The following IK variants were observed in gnomAD, a reference collection of about 807,000 sequenced individuals.
IK encodes IK cytokine, also known as protein Red.
A neutral mutation model predicts 90.9 loss-of-function variants in IK; 47 were observed. That is an observed-to-expected ratio of 0.52 (90% CI 0.41 to 0.66). The LOEUF is 0.66. Ranked by LOEUF, IK falls within the 30% of genes least tolerant of loss-of-function variation. The pLI is 0.00. For missense variants in IK, 385 were observed against 709.3 expected (o/e 0.54, Z 5.19); for synonymous variants, 201 against 227.5 (o/e 0.88, Z 1.05).
At chr5:140,651,234 C>G (rs1458549176) in intron 2 of IK, among the ~76,000 whole-genome samples, 1 of 146,544 alleles carries the variant, frequency 6.8e-6, no homozygotes, top group East Asian at 2.1e-4. Context: ...GGCAGATCAC[C>G]TGAGGTCAGA....
At chr5:140,656,085 C>T in intron 9 of IK, 93 bp downstream of exon 9, 3 of 1,216,088 alleles carry the variant, frequency 2.5e-6, no homozygotes, top group Non-Finnish European at 3.4e-6. Context: ...CACCATGTCA[C>T]CAAGTGCTGT....
intron 5 of IK, 87 bp downstream of exon 5, chr5:140,653,231 C>A: frequency 8.3e-7 from 1 of 1,205,478 alleles, no homozygotes; most frequent in Non-Finnish European, 1.2e-6. Flanking sequence ...ACTTTCCTGC[C>A]CTGGAGCCTA....
At chr5:140,652,553 T>C (rs1757631285) in intron 4 of IK, among the ~76,000 whole-genome samples, 2 of 152,226 alleles carry the variant, frequency 1.3e-5, no homozygotes, top group Non-Finnish European at 2.9e-5. Context: ...GTTATTTATA[T>C]GATACGAAAG....
chr5:140,661,874 AT>A lies in IK; in HGVS notation c.1503-23del. 6.3e-7 allele frequency: 1 copy of A among 1,581,416 alleles called. No individual in the cohort carries two copies. The highest frequency in any genetic ancestry group is 8.6e-7 in the Non-Finnish European group (1 of 1,160,616). On this transcript the variant is annotated intron_variant, in intron 17 of 19. Transcript: ENST00000417647. The surrounding 1 kb of genome is among the most constrained non-coding windows in gnomAD (Gnocchi z 4.2). ...GCCACTGCTATGCAATCTCTGATGC[AT>A]TCTTTCCCAACTGCTTTTTTCAGGG...
chr5:140,660,096 T>C lies in IK; in HGVS notation c.1275-19T>C. ...CAATAGGTAGAATCCTGTGTAGTGTTTTCTTTAACATAGCATATGCTGAAG... is the reference window on the plus strand; with the variant it reads ...CAATAGGTAGAATCCTGTGTAGTGTCTTCTTTAACATAGCATATGCTGAAG... On this transcript the variant is annotated intron_variant, in intron 14 of 19. Transcript: ENST00000417647. 1 of 1,607,760 alleles carries C rather than the reference T, an allele frequency of 6.2e-7. No individual in the cohort carries two copies. The highest frequency in any genetic ancestry group is 8.5e-7 in the Non-Finnish European group (1 of 1,174,506).
At chr5:140,650,512 A>G (rs1757597741) in intron 2 of IK, among the ~76,000 whole-genome samples, 1 of 152,174 alleles carries the variant, frequency 6.6e-6, no homozygotes, top group South Asian at 2.1e-4. Context: ...TCTTTGGGAA[A>G]CACCATCATA....
rs561839762 is a variant in IK at position 140,656,063 on chromosome 5, G to C, written c.801+71G>C. The C allele has an allele frequency of 1.3e-5, 18 of 1,426,140 alleles. No individual in the cohort carries two copies. In the South Asian group the frequency reaches 1.4e-4, roughly 11 times the overall value. 88.3% of individuals were successfully genotyped at this position (1,426,140 alleles called of 1,614,324 possible). A position where few individuals can be genotyped will look rare whatever the true frequency, so the allele number is the denominator to read the frequency against. On this transcript the variant is annotated intron_variant, in intron 9 of 19. Transcript: ENST00000417647. Reference sequence around the variant, plus strand: ...TGGGAATCAGCCTGGCCTCTGCCCCGTGTCCCTTGTCCACCATGTCACCAA... The same window carrying C: ...TGGGAATCAGCCTGGCCTCTGCCCCCTGTCCCTTGTCCACCATGTCACCAA...
chr5:140,649,193 T>C (rs1322019670), intron 2 of IK, among the ~76,000 whole-genome samples: 1 of 147,166 alleles, frequency 6.8e-6, no homozygotes, highest in Non-Finnish European at 1.5e-5. Flanking sequence ...TTTTTTTTTT[T>C]CTTTTCTTTT....
chr5:140,652,153 G>A lies in IK; in HGVS notation c.236+6G>A. 2 of 1,610,494 alleles carry A rather than the reference G, an allele frequency of 1.2e-6. No individual in the cohort carries two copies. Among genetic ancestry groups the A allele is most frequent in the Non-Finnish European group, 1.7e-6 (2 of 1,176,710 alleles). ...CGAAGGAGGAAAAAGAAAAGGTGAA[G>A]GAAGGGTGAAGGGTTTTAGATTTTA... On this transcript the variant is annotated splice_donor_region_variant and intron_variant, in intron 4 of 19. Coordinates refer to ENST00000417647, the MANE Select transcript of IK (RefSeq NM_006083.4).
chr5:140,656,097 C>T (rs560332247), intron 9 of IK, 105 bp downstream of exon 9: 1 of 1,006,906 alleles, frequency 9.9e-7, no homozygotes. Context: ...AAGTGCTGTT[C>T]ACTTTTACCT....
Position 140,656,431 on chromosome 5 carries a change from C to T in IK, c.801+439C>T, listed in dbSNP as rs533964516. On this transcript the variant is annotated intron_variant, in intron 9 of 19. Coordinates refer to ENST00000417647, the MANE Select transcript of IK (RefSeq NM_006083.4). ...TATTCCTGACCTCAAGTGATCCATC[C>T]GCCTTGGCCTCCCAAAGTACTGGGA... Among the ~76,000 whole-genome samples, 15 of 152,260 alleles carry T rather than the reference C, an allele frequency of 9.9e-5. No homozygotes were observed. In the South Asian group the frequency reaches 2.7e-3, roughly 27 times the overall value.
chr5:140,655,308 A>G (rs1757691495), intron 8 of IK, among the ~76,000 whole-genome samples: 2 of 152,204 alleles, frequency 1.3e-5, no homozygotes, highest in African/African-American at 4.8e-5. Context: ...AAACAGCACT[A>G]AGTGTATGAT....
At position 140,661,766 on chromosome 5, in the gene IK, T is replaced by C; in HGVS notation, c.1502+58T>C. Reference sequence around the variant, plus strand: ...GGAGGGGTGTGGGGATTTGGTGGAATAGTGCATATAAGGTTAGAGGGTGTG... The same window carrying C: ...GGAGGGGTGTGGGGATTTGGTGGAACAGTGCATATAAGGTTAGAGGGTGTG... On this transcript the variant is annotated intron_variant, in intron 17 of 19. Transcript: ENST00000417647. This position sits in a 1 kb window ranked among gnomAD's most constrained non-coding sequence, Gnocchi z 4.2. 3 of 1,433,368 alleles carry C rather than the reference T, an allele frequency of 2.1e-6. No individual in the cohort carries two copies. Among genetic ancestry groups the C allele is most frequent in the Non-Finnish European group, 2.9e-6 (3 of 1,034,268 alleles). 88.8% of individuals were successfully genotyped at this position (1,433,368 alleles called of 1,614,324 possible).
At chr5:140,651,942 A>G in intron 3 of IK, 136 bp downstream of exon 3, 1 of 819,250 alleles carries the variant, frequency 1.2e-6, no homozygotes, top group Non-Finnish European at 2.1e-6. Context: ...CTGCCCACCT[A>G]CAAATATTGG....
chr5:140,650,089 G>A (rs1409770369), intron 2 of IK, among the ~76,000 whole-genome samples: 2 of 152,178 alleles, frequency 1.3e-5, no homozygotes, highest in Non-Finnish European at 2.9e-5. Flanking sequence ...TCCGTGGCCT[G>A]CTGAGCACAG....
intron 8 of IK, 121 bp from the exon 9 acceptor site, chr5:140,655,708 C>T (rs1029517942): frequency 3.2e-6 from 3 of 929,556 alleles, no homozygotes; most frequent in Non-Finnish European, 4.9e-6. Context: ...AGGGCTGTTG[C>T]AAAGATTAAA....
At position 140,652,100 on chromosome 5, in the gene IK, G is replaced by T; in HGVS notation, c.189G>T (p.Glu63Asp). The T allele has an allele frequency of 6.2e-7, 1 of 1,613,360 alleles. No individual in the cohort carries two copies. Among genetic ancestry groups the T allele is most frequent in the Non-Finnish European group, 8.5e-7 (1 of 1,179,386 alleles). Residue 63 changes from glutamate to aspartate, a missense_variant, in exon 4 of 20, where the codon GAG becomes GAT. Around this residue, in one of 8 missense-constraint regions of IK, gnomAD observed 64 missense variants for 144.6 expected, o/e 0.44. Transcript: ENST00000417647. ...TCGTCTCTTCTAGGATGCCAAGGGA[G>T]TACAATGAGGATGAAGACCCAGCTG... ...SKSRHHEMPR[E>D]YNEDEDPAAR...
At chr5:140,662,081 C>A in intron 18 of IK, 74 bp downstream of exon 18, 1 of 1,577,386 alleles carries the variant, frequency 6.3e-7, no homozygotes, top group Non-Finnish European at 8.7e-7. Context: ...CAGGAACAGG[C>A]AAGGGGCTGG....
chr5:140,659,310 T>C lies in IK; in HGVS notation c.1177-5T>C. 1.2e-5 allele frequency: 19 copies of C among 1,613,968 alleles called. No individual in the cohort carries two copies. Among genetic ancestry groups the C allele is most frequent in the Non-Finnish European group, 1.5e-5 (18 of 1,179,866 alleles). ...CACTAACTTCACATTTTGTGTTCTT[T>C]CCAGCCCATGGACGTTGACAAAGGT... is the stretch of plus-strand genomic sequence containing the variant. On this transcript the variant is annotated splice_region_variant and splice_polypyrimidine_tract_variant and intron_variant, in intron 12 of 19. Coordinates refer to ENST00000417647, the MANE Select transcript of IK (RefSeq NM_006083.4).
Sources: allele counts gnomAD v4.1 joint callset (sites outside exome capture counted in the v4.1 genomes callset), GRCh38; gene constraint gnomAD v4.1.1; regional missense constraint gnomAD v4.1.1; non-coding constraint Gnocchi (gnomAD v3.1); transcripts MANE v1.5; gene names NCBI Gene and HGNC (gene_info 2026-07-23, HGNC 2026-07-21).